The following OR52A5 variants were observed in gnomAD, a reference collection of about 807,000 sequenced individuals.
OR52A5 encodes the protein olfactory receptor family 52 subfamily A member 5.
OR52A5 carries 16 observed loss-of-function variants against 18.2 expected under a neutral mutation model. The ratio of observed to expected loss-of-function variants is 0.88; its 90% CI spans 0.60 to 1.34. OR52A5 has a LOEUF of 1.34. OR52A5 is among the 40% of genes most tolerant of loss of function. The pLI is 0.00. For synonymous variants in OR52A5, 140 were observed against 137.2 expected, an observed-to-expected ratio of 1.02 and a Z score of -0.14; for missense variants, 418 against 383.0, an observed-to-expected ratio of 1.09 and a Z score of -0.76.
intron 1 of OR52A5, among the ~76,000 whole-genome samples, chr11:5,136,880 C>A (rs1846396573): frequency 1.3e-5 from 2 of 152,046 alleles, no homozygotes; most frequent in South Asian, 4.1e-4. Flanking sequence ...CTATTTTAAG[C>A]CAAGTAATAA....
intron 1 of OR52A5, 108 bp downstream of exon 1, chr11:5,138,203 G>A (rs918499687): frequency 2.0e-5 from 3 of 152,294 alleles, no homozygotes; most frequent in Middle Eastern, 3.4e-3. Context: ...AGATTCTGTT[G>A]CATTTTTATC....
In OR52A5 at chr11:5,132,591, C is replaced by T. The variant is rs145258281; in HGVS notation, c.52G>A (p.Gly18Arg). 569 of 1,613,516 alleles carry T rather than the reference C, an allele frequency of 3.5e-4. 7 individuals carry two copies. The East Asian group carries it at 0.012, about 34-fold the overall frequency. Residue 18 changes from glycine to arginine, a missense_variant, in exon 2 of 2, where the codon GGG (glycine) becomes AGG (arginine). Physicochemically the swap from Gly to Arg is moderately radical, Grantham distance 125. Transcript: ENST00000307388. Reference sequence around the variant, plus strand: ...TGCACTGACTCCAGACCAGGAATCCCAATTAGTATAAACGCAGAGGGCATG... The same window carrying T: ...TGCACTGACTCCAGACCAGGAATCCTAATTAGTATAAACGCAGAGGGCATG... ...VFMPSAFILI[G>R]IPGLESVQCW...
chr11:5,133,133 G>T (rs1270794175), intron 1 of OR52A5, among the ~76,000 whole-genome samples: 1 of 152,016 alleles, frequency 6.6e-6, no homozygotes, highest in African/African-American at 2.4e-5. Flanking sequence ...ACTTTGGGAG[G>T]CCAAGGTGGG....
Position 5,131,869 on chromosome 11 carries a change from G to C in OR52A5, c.774C>G (p.Ala258=), listed in dbSNP as rs1317214016. The C allele has an allele frequency of 6.2e-7, 1 of 1,614,132 alleles. No homozygotes were observed. Among genetic ancestry groups the C allele is most frequent in the Non-Finnish European group, 8.5e-7 (1 of 1,180,038 alleles). ...ICVFLQFYLL[A]FFSFFTHRFG... is the part of the protein sequence containing the mutation. ...ACCTGTGTGTGAAGAAAGAGAAGAA[G>C]GCAAGAAGGTAGAACTGTAGGAAGA... The change falls in exon 2 of 2, where the codon GCC becomes GCG. Residue 258 remains alanine, a synonymous_variant. Transcript: ENST00000307388.
Position 5,128,865 on chromosome 11 carries a change from T to C in OR52A5, c.*2827A>G, listed in dbSNP as rs1846310205. ...TGACTACTAATGTATATAGATTTTT[T>C]TTTAGGATGACGAAAGTATTTTCAA... On this transcript the variant is annotated 3_prime_UTR_variant, in exon 2 of 2. Transcript: ENST00000307388. 6.6e-6 allele frequency: 1 copy of C among 152,070 alleles called. No individual in the cohort carries two copies. The highest frequency in any genetic ancestry group is 2.4e-5 in the African/African-American group (1 of 41,404). 9.4% of individuals were successfully genotyped at this position (152,070 alleles called of 1,614,324 possible).
rs959407763 is a variant in OR52A5, at chr11:5,131,880, A to G, written c.763T>C (p.Tyr255His). 6.2e-7 allele frequency: 1 copy of G among 1,614,228 alleles called. No homozygotes were observed. Among genetic ancestry groups the G allele is most frequent in the African/African-American group, 1.3e-5 (1 of 75,068 alleles). Residue 255 changes from tyrosine (Y) to histidine (H), a missense_variant, in exon 2 of 2, where the codon TAC becomes CAC. Tyr to His is a moderately conservative substitution (Grantham distance 83). Coordinates refer to ENST00000307388, the MANE Select transcript of OR52A5 (RefSeq NM_001005160.3). Reference protein sequence around the residue: ...IAHICVFLQFYLLAFFSFFTH... With the variant: ...IAHICVFLQFHLLAFFSFFTH... The stretch of plus-strand genomic sequence containing the variant: ...AAGAAAGAGAAGAAGGCAAGAAGGT[A>G]GAACTGTAGGAAGACACAAATGTGG...
rs1342520887 is a variant in OR52A5, at chr11:5,131,860, A to T, written c.783T>A (p.Ser261=). ...FLQFYLLAFF[S]FFTHRFGSHI... Reference sequence around the variant, plus strand: ...GTGAACCAAACCTGTGTGTGAAGAAAGAGAAGAAGGCAAGAAGGTAGAACT... The same window carrying T: ...GTGAACCAAACCTGTGTGTGAAGAATGAGAAGAAGGCAAGAAGGTAGAACT... Residue 261 remains serine, a synonymous_variant, in exon 2 of 2, where the codon TCT becomes TCA. Coordinates refer to ENST00000307388, the MANE Select transcript of OR52A5 (RefSeq NM_001005160.3). 15 of 1,614,206 alleles carry T rather than the reference A, an allele frequency of 9.3e-6. No homozygotes were observed. Among genetic ancestry groups the T allele is most frequent in the Non-Finnish European group, 1.3e-5 (15 of 1,180,028 alleles).
Position 5,131,042 on chromosome 11 carries a change from T to A in OR52A5, c.*650A>T, listed in dbSNP as rs1343540490. ...AGCCTCCAAATTTGTGGCTTTTGAATACCATTAATTGACACAAAGAAAATG... is the reference window on the plus strand; with the variant it reads ...AGCCTCCAAATTTGTGGCTTTTGAAAACCATTAATTGACACAAAGAAAATG... On this transcript the variant is annotated 3_prime_UTR_variant, in exon 2 of 2. Coordinates refer to ENST00000307388, the MANE Select transcript of OR52A5 (RefSeq NM_001005160.3). The A allele has an allele frequency of 1.3e-5, 2 of 152,176 alleles. No homozygotes were observed. Among genetic ancestry groups the A allele is most frequent in the Non-Finnish European group, 2.9e-5 (2 of 67,978 alleles). 9.4% of individuals were successfully genotyped at this position (152,176 alleles called of 1,614,324 possible).
chr11:5,130,140 A>C lies in OR52A5; in HGVS notation c.*1552T>G, dbSNP rs1372806645. 6.6e-6 allele frequency: 1 copy of C among 151,752 alleles called. No individual in the cohort carries two copies. Among genetic ancestry groups the C allele is most frequent in the Non-Finnish European group, 1.5e-5 (1 of 67,922 alleles). 9.4% of individuals were successfully genotyped at this position (151,752 alleles called of 1,614,324 possible). The stretch of plus-strand genomic sequence containing the variant: ...TTTTTTTCTGATAGACCTATGTTGA[A>C]ATTTTTATTTTCTGTTGATTTTTTT... On this transcript the variant is annotated 3_prime_UTR_variant, in exon 2 of 2. Transcript: ENST00000307388.
chr11:5,131,718 C>T lies in OR52A5; in HGVS notation c.925G>A (p.Val309Met). ...CAAGTTACTTTTTTGAAGAAAAACA[C>T]TTTCACAATATGGTCACGAATTTGC... ...TKQIRDHIVK[V>M]FFFKKVT The change falls in exon 2 of 2, where the codon GTG (valine) becomes ATG (methionine). Residue 309 changes from valine (V) to methionine (M), a missense_variant. Transcript: ENST00000307388. 6.2e-7 allele frequency: 1 copy of T among 1,612,956 alleles called. No individual in the cohort carries two copies. Among genetic ancestry groups the T allele is most frequent in the Non-Finnish European group, 8.5e-7 (1 of 1,179,440 alleles).
chr11:5,132,972 T>A (rs553428126), intron 1 of OR52A5, among the ~76,000 whole-genome samples: 2 of 152,220 alleles, frequency 1.3e-5, no homozygotes, highest in South Asian at 2.1e-4. Flanking sequence ...CTCAGCATTA[T>A]GTGCTTTTTC....
At chr11:5,137,482 C>T (rs1209377485) in intron 1 of OR52A5, among the ~76,000 whole-genome samples, 1 of 152,060 alleles carries the variant, frequency 6.6e-6, no homozygotes, top group Admixed American at 6.6e-5. Flanking sequence ...CTGCCTGAAA[C>T]CTTCCCATGA....
In OR52A5 at chr11:5,132,312, C is replaced by T; in HGVS notation, c.331G>A (p.Ala111Thr). 1 of 1,614,090 alleles carries T rather than the reference C, an allele frequency of 6.2e-7. No homozygotes were observed. The highest frequency in any genetic ancestry group is 1.1e-5 in the South Asian group (1 of 91,074). ...GCCAGAAGGATACCCGATTCAATTGCCTGGAATGAGTGAATAAGCCACATT... is the reference window on the plus strand; with the variant it reads ...GCCAGAAGGATACCCGATTCAATTGTCTGGAATGAGTGAATAAGCCACATT... ...FQMWLIHSFQ[A>T]IESGILLAMA... is the part of the protein sequence containing the mutation. The change falls in exon 2 of 2, where the codon GCA becomes ACA. Residue 111 changes from alanine (A) to threonine (T), a missense_variant. Coordinates refer to ENST00000307388, the MANE Select transcript of OR52A5 (RefSeq NM_001005160.3).
chr11:5,135,284 G>A (rs1479853210), intron 1 of OR52A5, among the ~76,000 whole-genome samples: 1 of 152,118 alleles, frequency 6.6e-6, no homozygotes, highest in Non-Finnish European at 1.5e-5. Flanking sequence ...TCATTACTGA[G>A]CTTGTTAAGA....
rs1846311160 is a variant in OR52A5 at position 5,128,989 on chromosome 11, T to A, written c.*2703A>T. 6.6e-6 allele frequency: 1 copy of A among 152,066 alleles called. No individual in the cohort carries two copies. The allele number at this position is 152,066 out of a possible 1,614,324, so 9.4% of individuals were successfully genotyped here. A position where few individuals can be genotyped will look rare whatever the true frequency, so the allele number is the denominator to read the frequency against. The stretch of plus-strand genomic sequence containing the variant: ...AATATTATGGCATGTGAATTCCATC[T>A]CAGTAAAAATAAACAATTGAATAAA... On this transcript the variant is annotated 3_prime_UTR_variant, in exon 2 of 2. Coordinates refer to ENST00000307388, the MANE Select transcript of OR52A5 (RefSeq NM_001005160.3).
intron 1 of OR52A5, among the ~76,000 whole-genome samples, chr11:5,133,573 T>C (rs1232767912): frequency 6.6e-6 from 1 of 151,414 alleles, no homozygotes; most frequent in Non-Finnish European, 1.5e-5. Flanking sequence ...CAGTGTCTTC[T>C]CAAAACCCAA....
intron 1 of OR52A5, among the ~76,000 whole-genome samples, chr11:5,136,573 C>T (rs1168594622): frequency 1.3e-5 from 2 of 152,140 alleles, no homozygotes; most frequent in African/African-American, 4.8e-5. Flanking sequence ...TAAGACTTCA[C>T]ATTAGAGGGG....
chr11:5,132,593 A>G lies in OR52A5; in HGVS notation c.50T>C (p.Ile17Thr). The G allele has an allele frequency of 1.9e-6, 3 of 1,613,634 alleles. No individual in the cohort carries two copies. The South Asian group carries it at 3.3e-5, about 18-fold the overall frequency. ...CACTGACTCCAGACCAGGAATCCCA[A>G]TTAGTATAAACGCAGAGGGCATGAA... ...SVFMPSAFIL[I>T]GIPGLESVQC... The change falls in exon 2 of 2, where the codon ATT becomes ACT. Residue 17 changes from isoleucine to threonine, a missense_variant. Ile to Thr is a moderately conservative substitution (Grantham distance 89). Coordinates refer to ENST00000307388, the MANE Select transcript of OR52A5 (RefSeq NM_001005160.3).
In OR52A5 at chr11:5,132,327, T is replaced by G. The variant is rs773251363; in HGVS notation, c.316A>C (p.Ile106Leu). 2 of 1,614,158 alleles carry G rather than the reference T, an allele frequency of 1.2e-6. No individual in the cohort carries two copies. The highest frequency in any genetic ancestry group is 1.7e-6 in the Non-Finnish European group (2 of 1,180,026). ...FDACLFQMWL[I>L]HSFQAIESGI... ...GATTCAATTGCCTGGAATGAGTGAA[T>G]AAGCCACATTTGAAAAAGACAGGCA... Residue 106 changes from isoleucine to leucine, a missense_variant, in exon 2 of 2, where the codon ATT becomes CTT. Ile to Leu is a conservative substitution (Grantham distance 5, BLOSUM62 2). Coordinates refer to ENST00000307388, the MANE Select transcript of OR52A5 (RefSeq NM_001005160.3).
Sources: gnomAD v4.1 joint callset for allele counts (sites outside exome capture counted in the v4.1 genomes callset) on GRCh38, gnomAD v4.1.1 for gene constraint, MANE v1.5 for transcripts, NCBI Gene and HGNC (gene_info 2026-07-23, HGNC 2026-07-21) for gene names.